KCP: variants seen among roughly 807,000 people sequenced by gnomAD.
KCP encodes the protein kielin/chordin-like protein.
Under a neutral mutation model 212.7 loss-of-function variants are expected in KCP, and 194 were observed. That is an observed-to-expected ratio of 0.91 (90% CI 0.81 to 1.03). The LOEUF is 1.03. Among genes scored for constraint, KCP ranks in the 50% least tolerant of loss-of-function variants. The pLI is 0.00. For missense variants in KCP, 2,080 were observed against 2,162.5 expected, an observed-to-expected ratio of 0.96 and a Z score of 0.76; for synonymous variants, 833 against 865.3, an observed-to-expected ratio of 0.96 and a Z score of 0.65.
intron 8 of KCP, among the ~76,000 whole-genome samples, chr7:128,897,227 G>A (rs1311554298): frequency 2.0e-5 from 3 of 152,224 alleles, no homozygotes; most frequent in Non-Finnish European, 4.4e-5. Context: ...TAGGACACCT[G>A]TAAGCCTGCT....
chr7:128,880,605 C>A lies in KCP; in HGVS notation c.3616+14G>T. 7.8e-7 allele frequency: 1 copy of A among 1,284,104 alleles called. No homozygotes were observed. Among genetic ancestry groups the A allele is most frequent in the Non-Finnish European group, 1.0e-6 (1 of 985,644 alleles). The allele number at this position is 1,284,104 out of a possible 1,614,324, so 79.5% of individuals were successfully genotyped here. A position where few individuals can be genotyped will look rare whatever the true frequency, so the allele number is the denominator to read the frequency against. ...GGTCTGGCTTACCCCTCCCCCATCA[C>A]CCTGGCTGCGCACCTTGGCATCGCT... On this transcript the variant is annotated intron_variant, in intron 33 of 39. Transcript: ENST00000610776.
chr7:128,880,925 G>A (rs578049821), intron 32 of KCP, 72 bp downstream of exon 32: 2 of 399,098 alleles, frequency 5.0e-6, no homozygotes, highest in Admixed American at 4.4e-5. Flanking sequence ...ATATCTGCTG[G>A]TGGAGTGTTG....
chr7:128,907,129 G>A lies in KCP; in HGVS notation c.458C>T (p.Pro153Leu), dbSNP rs1390704887. ...ACAGCGGCAGGTGGTGCAGGCATCTGGGGAGAAGGTCTCCCCGTTGCCGTA... is the reference window on the plus strand; with the variant it reads ...ACAGCGGCAGGTGGTGCAGGCATCTAGGGAGAAGGTCTCCCCGTTGCCGTA... Reference protein sequence around the residue: ...QTYGNGETFSPDACTTCRCLE... With the variant: ...QTYGNGETFSLDACTTCRCLE... The change falls in exon 4 of 40, where the codon CCA becomes CTA. Residue 153 changes from proline (P) to leucine (L), a missense_variant. Physicochemically the swap from Pro to Leu is moderately conservative, Grantham distance 98. Coordinates refer to ENST00000610776, the MANE Select transcript of KCP (RefSeq NM_001366122.1). 1 of 1,551,490 alleles carries A rather than the reference G, an allele frequency of 6.4e-7. No individual in the cohort carries two copies. The highest frequency in any genetic ancestry group is 8.7e-7 in the Non-Finnish European group (1 of 1,146,922).
chr7:128,903,620 C>T (rs975802912), intron 7 of KCP, 107 bp downstream of exon 7: 32 of 854,952 alleles, frequency 3.7e-5, no homozygotes, highest in East Asian at 5.3e-5. Flanking sequence ...ATTCCAGCTC[C>T]GCCACGGACC....
rs1016802999 is a variant in KCP at position 128,879,994 on chromosome 7, C to T, written c.3851G>A (p.Arg1284His). 1.9e-5 allele frequency: 29 copies of T among 1,550,322 alleles called. No individual in the cohort carries two copies. In the Admixed American group the frequency reaches 2.7e-4, roughly 15 times the overall value. The stretch of plus-strand genomic sequence containing the variant: ...GTGCAGCAGGCGGCCGTCGAAGGTG[C>T]GGTAATGGGGGTCTCCGAAGGCCAT... ...SCMAFGDPHY[R>H]TFDGRLLHFQ... is the part of the protein sequence containing the mutation. The change falls in exon 35 of 40, where the codon CGC (arginine) becomes CAC (histidine). Residue 1284 changes from arginine (R) to histidine (H), a missense_variant. Arg to His is a conservative substitution (Grantham distance 29). Coordinates refer to ENST00000610776, the MANE Select transcript of KCP (RefSeq NM_001366122.1).
chr7:128,902,772 C>G lies in KCP; in HGVS notation c.831+5G>C. 1 of 1,551,410 alleles carries G rather than the reference C, an allele frequency of 6.4e-7. No homozygotes were observed. The highest frequency in any genetic ancestry group is 1.2e-5 in the South Asian group (1 of 84,060). ...GGACAGACCAGGAGCAGCCTCAGGA[C>G]TCACCAGGCACCGGCAGATTCGGCA... On this transcript the variant is annotated splice_donor_5th_base_variant and intron_variant, in intron 8 of 39. Coordinates refer to ENST00000610776, the MANE Select transcript of KCP (RefSeq NM_001366122.1).
At position 128,879,757 on chromosome 7, in the gene KCP, T is replaced by C. The variant is rs1455764935; in HGVS notation, c.4005A>G (p.Gly1335=). The change falls in exon 36 of 40, where the codon GGA becomes GGG. Residue 1335 remains glycine, a synonymous_variant. Coordinates refer to ENST00000610776, the MANE Select transcript of KCP (RefSeq NM_001366122.1). ...AWTQEVAVLL[G]DMAVRLLQDG... ...CCTGCAGCAGCCGCACGGCCATGTC[T>C]CCCAGCAGCACCGCCACCTCCTGGG... 6.4e-7 allele frequency: 1 copy of C among 1,550,396 alleles called. No homozygotes were observed. The highest frequency in any genetic ancestry group is 8.7e-7 in the Non-Finnish European group (1 of 1,146,958).
At chr7:128,893,158 G>T in intron 13 of KCP, 80 bp downstream of exon 13, 1 of 1,403,508 alleles carries the variant, frequency 7.1e-7, no homozygotes, top group Non-Finnish European at 9.8e-7. Context: ...CCCGTACCCC[G>T]TCCTGGGAAG....
rs774892450 is a variant in KCP at position 128,891,463 on chromosome 7, C to G, written c.1866G>C (p.Leu622=). ...DFPHPSDPCR[L]CRCLSGNVQC... is the part of the protein sequence containing the mutation. ...GGTGCAGACTCACCAGACAGCGACACAGACGGCAGGGGTCAGAGGGGTGGG... is the reference window on the plus strand; with the variant it reads ...GGTGCAGACTCACCAGACAGCGACAGAGACGGCAGGGGTCAGAGGGGTGGG... Residue 622 remains leucine (L), a synonymous_variant, in exon 18 of 40, where the codon CTG becomes CTC. Coordinates refer to ENST00000610776, the MANE Select transcript of KCP (RefSeq NM_001366122.1). 24 of 1,550,570 alleles carry G rather than the reference C, an allele frequency of 1.5e-5. No individual in the cohort carries two copies. The highest frequency in any genetic ancestry group is 2.0e-5 in the Non-Finnish European group (23 of 1,146,790).
At chr7:128,894,093 C>T in intron 9 of KCP, 38 bp from the exon 10 acceptor site, 2 of 1,534,274 alleles carry the variant, frequency 1.3e-6, no homozygotes, top group South Asian at 1.2e-5. Context: ...CCTCAGGGGC[C>T]CCTCCCCACC....
intron 1 of KCP, 149 bp downstream of exon 1, chr7:128,910,452 G>A (rs903126587): frequency 1.0e-5 from 7 of 682,782 alleles, no homozygotes; most frequent in Admixed American, 8.0e-5. Context: ...CTCCCCCGAC[G>A]GGGAGGACGG....
chr7:128,878,261 T>A (rs1282247411), intron 38 of KCP, among the ~76,000 whole-genome samples: 2 of 152,236 alleles, frequency 1.3e-5, no homozygotes, highest in East Asian at 3.9e-4. Context: ...TTTCTCCATG[T>A]TGGTCAGGCT....
intron 38 of KCP, 134 bp downstream of exon 38, chr7:128,878,424 C>G: frequency 1.0e-6 from 1 of 999,006 alleles, no homozygotes; most frequent in East Asian, 2.7e-5. Context: ...GCCCCCACAC[C>G]TCCCTGAAAG....
Position 128,885,223 on chromosome 7 carries a change from G to T in KCP, c.2914C>A (p.Pro972Thr). 1 of 1,550,532 alleles carries T rather than the reference G, an allele frequency of 6.4e-7. No individual in the cohort carries two copies. The highest frequency in any genetic ancestry group is 8.7e-7 in the Non-Finnish European group (1 of 1,146,772). ...EEHPEGSRWV[P>T]PDSACSSCVC... is the part of the protein sequence containing the mutation. ...CAGGAGGAGCAGGCACTGTCGGGGG[G>T]CACCCATCTACTGCCTTCGGGGTGC... The change falls in exon 27 of 40, where the codon CCC (proline) becomes ACC (threonine). Residue 972 changes from proline to threonine, a missense_variant. Physicochemically the swap from Pro to Thr is conservative, Grantham distance 38. Transcript: ENST00000610776.
chr7:128,878,780 AG>A, intron 37 of KCP, 58 bp from the exon 38 acceptor site: 2 of 1,495,070 alleles, frequency 1.3e-6, no homozygotes, highest in Non-Finnish European at 1.8e-6. Flanking sequence ...TAAGAAGCCC[AG>A]GGTCCATCAT....
At chr7:128,877,388 C>T (rs1563015605) in intron 39 of KCP, 77 bp from the exon 40 acceptor site, 8 of 1,525,454 alleles carry the variant, frequency 5.2e-6, no homozygotes, top group East Asian at 2.5e-5. Context: ...CTGCGAGACT[C>T]GCCATACCCG....
Position 128,891,113 on chromosome 7 carries a change from C to T in KCP, c.1973-17G>A. The T allele has an allele frequency of 6.7e-7, 1 of 1,500,796 alleles. No homozygotes were observed. The allele number at this position is 1,500,796 out of a possible 1,614,324, so 93.0% of individuals were successfully genotyped here. On this transcript the variant is annotated splice_polypyrimidine_tract_variant and intron_variant, in intron 19 of 39. Coordinates refer to ENST00000610776, the MANE Select transcript of KCP (RefSeq NM_001366122.1). ...CTGGGGCGGCTGCGGCGAGACAGCGCATCAAAGGGGCCCAGGAACAGGCCT... is the reference window on the plus strand; with the variant it reads ...CTGGGGCGGCTGCGGCGAGACAGCGTATCAAAGGGGCCCAGGAACAGGCCT...
chr7:128,909,388 C>A (rs1271685881), intron 1 of KCP, among the ~76,000 whole-genome samples: 3 of 152,170 alleles, frequency 2.0e-5, no homozygotes, highest in Non-Finnish European at 2.9e-5. Flanking sequence ...GGGTTTCTCA[C>A]AGACACTAGG....
At position 128,891,287 on chromosome 7, in the gene KCP, C is replaced by T. The variant is rs768981398; in HGVS notation, c.1879-9G>A. 4 of 1,547,480 alleles carry T rather than the reference C, an allele frequency of 2.6e-6. No individual in the cohort carries two copies. Among genetic ancestry groups the T allele is most frequent in the East Asian group, 2.4e-5 (1 of 40,902 alleles). On this transcript the variant is annotated splice_polypyrimidine_tract_variant and intron_variant, in intron 18 of 39. Coordinates refer to ENST00000610776, the MANE Select transcript of KCP (RefSeq NM_001366122.1). ...CACTGCACGTTGCCGCTCTACGGAC[C>T]GACAGACGCACCACGGGTCAGTGGG...
Sources: allele counts gnomAD v4.1 joint callset (sites outside exome capture counted in the v4.1 genomes callset), GRCh38; gene constraint gnomAD v4.1.1; transcripts MANE v1.5; gene names NCBI Gene and HGNC (gene_info 2026-07-23, HGNC 2026-07-21).